GJA1: variants seen among roughly 807,000 people sequenced by gnomAD.
GJA1 encodes gap junction alpha-1 protein.
A neutral mutation model predicts 31.0 loss-of-function variants in GJA1; 9 were observed. The observed-to-expected ratio is 0.29, with a 90% confidence interval of 0.17 to 0.51. The LOEUF is 0.51. Among genes scored for constraint, GJA1 ranks in the 20% least tolerant of loss-of-function variants. GJA1 has a pLI of 0.98. For missense variants in GJA1, 278 were observed against 468.8 expected (o/e 0.59, Z 3.76); for synonymous variants, 186 against 180.1 (o/e 1.03, Z -0.26).
chr6:121,447,705 C>T lies in GJA1; in HGVS notation c.858C>T (p.Tyr286=), dbSNP rs1773913108. ...APLSPMSPPG[Y]KLVTGDRNNS... ...TCTCGCCTATGTCTCCTCCTGGGTA[C>T]AAGCTGGTTACTGGCGACAGAAACA... is the stretch of plus-strand genomic sequence containing the variant. The change falls in exon 2 of 2, where the codon TAC becomes TAT. Residue 286 remains tyrosine, a synonymous_variant. Coordinates refer to ENST00000282561, the MANE Select transcript of GJA1 (RefSeq NM_000165.5). The T allele has an allele frequency of 6.2e-7, 1 of 1,614,000 alleles. No homozygotes were observed. The highest frequency in any genetic ancestry group is 1.3e-5 in the African/African-American group (1 of 74,908).
At chr6:121,440,834 C>T (rs1322953013) in intron 1 of GJA1, among the ~76,000 whole-genome samples, 1 of 152,198 alleles carries the variant, frequency 6.6e-6, no homozygotes, top group Admixed American at 6.5e-5. Context: ...CTCCGCCTCC[C>T]GGGTTCAAGC....
intron 1 of GJA1, among the ~76,000 whole-genome samples, chr6:121,443,988 T>C (rs914201983): frequency 2.0e-5 from 3 of 152,218 alleles, no homozygotes; most frequent in African/African-American, 4.8e-5. Context: ...TCTATTGATA[T>C]AGCTCCAAAG....
At chr6:121,446,067 A>G (rs1773884494) in intron 1 of GJA1, among the ~76,000 whole-genome samples, 1 of 152,196 alleles carries the variant, frequency 6.6e-6, no homozygotes, top group Non-Finnish European at 1.5e-5. Context: ...AGGCTGAGGT[A>G]GATGGATCAC....
rs759494167 is a variant in GJA1 at position 121,447,803 on chromosome 6, G to A, written c.956G>A (p.Arg319Gln). The A allele has an allele frequency of 4.3e-6, 7 of 1,613,854 alleles. No homozygotes were observed. The highest frequency in any genetic ancestry group is 2.7e-5 in the African/African-American group (2 of 74,970). ...NWANYSAEQN[R>Q]MGQAGSTISN... Reference sequence around the variant, plus strand: ...GCTAATTACAGTGCAGAACAAAATCGAATGGGGCAGGCGGGAAGCACCATC... The same window carrying A: ...GCTAATTACAGTGCAGAACAAAATCAAATGGGGCAGGCGGGAAGCACCATC... Residue 319 changes from arginine (R) to glutamine (Q), a missense_variant, in exon 2 of 2, where the codon CGA becomes CAA. Transcript: ENST00000282561.
In GJA1 at chr6:121,447,123, C is replaced by T. The variant is rs759231549; in HGVS notation, c.276C>T (p.Tyr92=). The change falls in exon 2 of 2, where the codon TAC becomes TAT. Residue 92 remains tyrosine (Y), a synonymous_variant. Coordinates refer to ENST00000282561, the MANE Select transcript of GJA1 (RefSeq NM_000165.5). The part of the protein sequence containing the change: ...IIFVSVPTLL[Y]LAHVFYVMRK... The stretch of plus-strand genomic sequence containing the variant: ...TTGTGTCTGTACCCACACTCTTGTA[C>T]CTGGCTCATGTGTTCTATGTGATGC... 1.2e-6 allele frequency: 2 copies of T among 1,613,918 alleles called. No individual in the cohort carries two copies. Among genetic ancestry groups the T allele is most frequent in the South Asian group, 1.1e-5 (1 of 91,076 alleles).
chr6:121,439,361 G>A (rs987175068), intron 1 of GJA1, among the ~76,000 whole-genome samples: 1 of 152,134 alleles, frequency 6.6e-6, no homozygotes, highest in African/African-American at 2.4e-5. Flanking sequence ...ACTTGTGAGG[G>A]CCCTAAGGGT....
chr6:121,440,444 G>C (rs189669464), intron 1 of GJA1, among the ~76,000 whole-genome samples: 242 of 152,094 alleles, frequency 1.6e-3, no homozygotes, highest in Admixed American at 7.4e-3. Context: ...TCTTTTGCCT[G>C]CTCAGGAATC....
At chr6:121,446,599 A>T (rs1773893354) in intron 1 of GJA1, among the ~76,000 whole-genome samples, 1 of 152,236 alleles carries the variant, frequency 6.6e-6, no homozygotes, top group Non-Finnish European at 1.5e-5. Context: ...GCAACTCATC[A>T]TCTGTTGCTT....
At position 121,447,931 on chromosome 6, in the gene GJA1, C is replaced by A. The variant is rs1413858201; in HGVS notation, c.1084C>A (p.Arg362=). 6.2e-7 allele frequency: 1 copy of A among 1,613,726 alleles called. No individual in the cohort carries two copies. The highest frequency in any genetic ancestry group is 1.1e-5 in the South Asian group (1 of 91,070). The change falls in exon 2 of 2, where the codon CGA becomes AGA. Residue 362 remains arginine (R), a synonymous_variant. Coordinates refer to ENST00000282561, the MANE Select transcript of GJA1 (RefSeq NM_000165.5). The part of the protein sequence containing the change: ...ELQPLAIVDQ[R]PSSRASSRAS... Reference sequence around the variant, plus strand: ...ACAGCCACTAGCCATTGTGGACCAGCGACCTTCAAGCAGAGCCAGCAGTCG... The same window carrying A: ...ACAGCCACTAGCCATTGTGGACCAGAGACCTTCAAGCAGAGCCAGCAGTCG...
At chr6:121,436,184 T>TC (rs1554200295) in intron 1 of GJA1, among the ~76,000 whole-genome samples, 7 of 29,886 alleles carry the variant, frequency 2.3e-4, no homozygotes, top group Admixed American at 4.1e-4. Context: ...ATTTGTTGGG[T>TC]GGGGGGGGGG....
intron 1 of GJA1, among the ~76,000 whole-genome samples, chr6:121,436,493 A>G (rs1773665294): frequency 6.6e-6 from 1 of 152,146 alleles, no homozygotes; most frequent in African/African-American, 2.4e-5. Context: ...TCAACAGTAA[A>G]TTGTTACTTT....
chr6:121,448,101 A>G lies in GJA1; in HGVS notation c.*105A>G, dbSNP rs978398566. ...TTTTGATCCGGTGGAGGTGGTACTC[A>G]ACAGCCTTATTCATGAGGCTTAGAA... On this transcript the variant is annotated 3_prime_UTR_variant, in exon 2 of 2. Coordinates refer to ENST00000282561, the MANE Select transcript of GJA1 (RefSeq NM_000165.5). 1.9e-5 allele frequency: 19 copies of G among 1,001,734 alleles called. No individual in the cohort carries two copies. The highest frequency in any genetic ancestry group is 2.9e-5 in the Non-Finnish European group (18 of 631,362). 62.1% of individuals were successfully genotyped at this position (1,001,734 alleles called of 1,614,324 possible). A position where few individuals can be genotyped will look rare whatever the true frequency, so the allele number is the denominator to read the frequency against.
chr6:121,445,427 A>T (rs1264269648), intron 1 of GJA1, among the ~76,000 whole-genome samples: 1 of 152,190 alleles, frequency 6.6e-6, no homozygotes, highest in African/African-American at 2.4e-5. Context: ...AGTGCATTAT[A>T]GGCGTGAGCC....
intron 1 of GJA1, among the ~76,000 whole-genome samples, chr6:121,437,097 G>C (rs1040484184): frequency 7.2e-5 from 11 of 152,194 alleles, no homozygotes; most frequent in Non-Finnish European, 1.5e-5. Flanking sequence ...GGACGGGCGC[G>C]GGGCGCCTCC....
At chr6:121,442,444 A>G (rs1176527961) in intron 1 of GJA1, among the ~76,000 whole-genome samples, 1 of 152,168 alleles carries the variant, frequency 6.6e-6, no homozygotes, top group Admixed American at 6.5e-5. Flanking sequence ...TGGAGATGTA[A>G]GGAGTGACAA....
chr6:121,443,005 C>T (rs1020768507), intron 1 of GJA1, among the ~76,000 whole-genome samples: 1 of 152,176 alleles, frequency 6.6e-6, no homozygotes, highest in African/African-American at 2.4e-5. Context: ...TGTCCAGCTG[C>T]GTTGGTCTTC....
chr6:121,440,915 G>T (rs1322166227), intron 1 of GJA1, among the ~76,000 whole-genome samples: 24 of 99,930 alleles, frequency 2.4e-4, no homozygotes, highest in Middle Eastern at 4.9e-3. Context: ...CTACTTTTTT[G>T]TTGTTGTTGT....
chr6:121,446,760 C>T, intron 1 of GJA1, 72 bp from the exon 2 acceptor site: 1 of 973,198 alleles, frequency 1.0e-6, no homozygotes, highest in Non-Finnish European at 1.7e-6. Context: ...TGACTATCAC[C>T]TGAAAGGTAC....
At chr6:121,442,830 T>G (rs1405302472) in intron 1 of GJA1, among the ~76,000 whole-genome samples, 3 of 152,092 alleles carry the variant, frequency 2.0e-5, no homozygotes. Flanking sequence ...TGAAGAGCAA[T>G]GGAAATGTAA....
Sources: allele counts gnomAD v4.1 joint callset (sites outside exome capture counted in the v4.1 genomes callset), GRCh38; gene constraint gnomAD v4.1.1; transcripts MANE v1.5; gene names NCBI Gene and HGNC (gene_info 2026-07-23, HGNC 2026-07-21).